The following TRPM6 variants were observed in gnomAD, a reference collection of about 807,000 sequenced individuals.
The protein encoded by TRPM6 is transient receptor potential cation channel subfamily M member 6, also known as channel kinase 2.
In TRPM6, 111 loss-of-function variants were observed where a neutral mutation model predicts 247.6. That is an observed-to-expected ratio of 0.45 (90% CI 0.38 to 0.52). TRPM6 has a LOEUF of 0.52. Ranked by LOEUF, TRPM6 falls within the 20% of genes least tolerant of loss-of-function variation. The pLI is 0.00. For synonymous variants in TRPM6, 892 were observed against 853.8 expected, an observed-to-expected ratio of 1.04 and a Z score of -0.78; for missense variants, 2,126 against 2,421.5, an observed-to-expected ratio of 0.88 and a Z score of 2.56.
At chr9:74,834,207 G>A in intron 5 of TRPM6, 85 bp from the exon 6 acceptor site, 1 of 1,486,638 alleles carries the variant, frequency 6.7e-7, no homozygotes, top group Non-Finnish European at 9.4e-7. Context: ...AAATAAATAG[G>A]CAAGCATATG....
chr9:74,735,577 AATTAAT>A (rs1366852438), intron 36 of TRPM6, among the ~76,000 whole-genome samples: 1 of 152,204 alleles, frequency 6.6e-6, no homozygotes. Flanking sequence ...TATCTCTAAA[AATTAAT>A]ATTAATATCT....
At chr9:74,725,551 G>C (rs1825289263) in intron 38 of TRPM6, among the ~76,000 whole-genome samples, 1 of 152,110 alleles carries the variant, frequency 6.6e-6, no homozygotes, top group South Asian at 2.1e-4. Flanking sequence ...GAATCCAGTG[G>C]GAGGTGACTG....
intron 37 of TRPM6, 63 bp from the exon 38 acceptor site, chr9:74,728,408 C>A: frequency 1.7e-6 from 2 of 1,174,904 alleles, no homozygotes; most frequent in South Asian, 2.5e-5. Context: ...AACTAGGATT[C>A]TCCGAGATAC....
chr9:74,830,891 C>G (rs941054290), intron 6 of TRPM6, among the ~76,000 whole-genome samples: 2 of 150,746 alleles, frequency 1.3e-5, no homozygotes, highest in Non-Finnish European at 2.9e-5. Flanking sequence ...GCATGAGCCA[C>G]CATGCCCAGC....
chr9:74,791,581 C>T (rs1351524401), intron 19 of TRPM6, among the ~76,000 whole-genome samples: 2 of 152,186 alleles, frequency 1.3e-5, no homozygotes, highest in Non-Finnish European at 2.9e-5. Context: ...CATGCTTTCT[C>T]TGTAGCTCTA....
intron 18 of TRPM6, among the ~76,000 whole-genome samples, chr9:74,796,368 C>T (rs983844468): frequency 4.6e-5 from 7 of 152,154 alleles, no homozygotes; most frequent in Admixed American, 2.0e-4. Context: ...ACCTCTAGCA[C>T]ATGTAAAGTG....
intron 14 of TRPM6, chr9:74,804,781 T>A (rs1828475765): frequency 2.8e-6 from 2 of 701,880 alleles, no homozygotes; most frequent in South Asian, 3.0e-5. Context: ...TAAGCTGCCC[T>A]TGCACGGGCT....
chr9:74,791,146 T>C (rs1056211623), intron 19 of TRPM6, among the ~76,000 whole-genome samples: 6 of 152,202 alleles, frequency 3.9e-5, no homozygotes, highest in African/African-American at 1.4e-4. Context: ...GGTATGACTA[T>C]GGTTAAAACT....
In TRPM6 at chr9:74,738,605, C is replaced by T. The variant is rs1825765267; in HGVS notation, c.5578G>A (p.Glu1860Lys). ...GAATGGCAGTAGATTAAGAAAACTT[C>T]CAGGAACCTGTTAGGGAAAAAGAGG... The part of the protein sequence containing the change: ...QTIPYTPRFL[E>K]VFLIYCHSAN... The change falls in exon 36 of 39, where the codon GAA becomes AAA. Residue 1860 changes from glutamate to lysine, a missense_variant. Glu to Lys is a moderately conservative substitution (Grantham distance 56). Around this residue, in one of 3 missense-constraint regions of TRPM6, gnomAD observed 327 missense variants for 397.7 expected, o/e 0.82. Transcript: ENST00000360774. The T allele has an allele frequency of 1.2e-6, 2 of 1,613,932 alleles. No homozygotes were observed. The highest frequency in any genetic ancestry group is 1.7e-6 in the Non-Finnish European group (2 of 1,179,906).
At chr9:74,769,719 T>C (rs1826958837) in intron 25 of TRPM6, among the ~76,000 whole-genome samples, 1 of 145,186 alleles carries the variant, frequency 6.9e-6, no homozygotes, top group South Asian at 2.1e-4. Flanking sequence ...GATCACGCCG[T>C]GGCACTCCAG....
At chr9:74,725,275 TG>T (rs1312242997) in intron 38 of TRPM6, among the ~76,000 whole-genome samples, 1 of 152,224 alleles carries the variant, frequency 6.6e-6, no homozygotes, top group East Asian at 1.9e-4. Context: ...GCATAACCTT[TG>T]TAAGACATGT....
chr9:74,816,093 C>T (rs1262475045), intron 11 of TRPM6, among the ~76,000 whole-genome samples: 2 of 152,192 alleles, frequency 1.3e-5, no homozygotes, highest in Non-Finnish European at 1.5e-5. Flanking sequence ...TGGCTCACGC[C>T]TGTAATTCTG....
At chr9:74,883,692 T>C (rs1245746883) in intron 1 of TRPM6, among the ~76,000 whole-genome samples, 2 of 152,142 alleles carry the variant, frequency 1.3e-5, no homozygotes, top group Non-Finnish European at 2.9e-5. Flanking sequence ...ATATATACAA[T>C]ATGATTCAAT....
chr9:74,840,842 A>AAAAG (rs1554723777), intron 4 of TRPM6, among the ~76,000 whole-genome samples: 7 of 151,206 alleles, frequency 4.6e-5, no homozygotes, highest in African/African-American at 9.7e-5. Context: ...AAAAAAAAAA[A>AAAAG]AAAGAAAGAA....
Position 74,763,056 on chromosome 9 carries a change from G to C in TRPM6, c.3615C>G (p.Asp1205Glu). Residue 1205 changes from aspartate to glutamate, a missense_variant, in exon 26 of 39, where the codon GAC (aspartate) becomes GAG (glutamate). This residue lies in a region of TRPM6 where 717 missense variants were observed against 715.9 expected (regional missense o/e 1.00). Coordinates refer to ENST00000360774, the MANE Select transcript of TRPM6 (RefSeq NM_017662.5). ...SFIKDSLLSL[D>E]SQVGHLQDLS... ...GATCCTGCAGGTGTCCCACCTGGCT[G>C]TCCAAAGACAGTAAGGAGTCCTTTA... is the stretch of plus-strand genomic sequence containing the variant. 1 of 1,614,112 alleles carries C rather than the reference G, an allele frequency of 6.2e-7. No homozygotes were observed. The highest frequency in any genetic ancestry group is 8.5e-7 in the Non-Finnish European group (1 of 1,179,986).
Position 74,808,094 on chromosome 9 carries a change from G to C in TRPM6, c.1578C>G (p.Arg526=). The C allele has an allele frequency of 6.2e-7, 1 of 1,613,954 alleles. No individual in the cohort carries two copies. Among genetic ancestry groups the C allele is most frequent in the Non-Finnish European group, 8.5e-7 (1 of 1,179,912 alleles). The change falls in exon 14 of 39, where the codon CGC becomes CGG. Residue 526 remains arginine, a synonymous_variant. Coordinates refer to ENST00000360774, the MANE Select transcript of TRPM6 (RefSeq NM_017662.5). ...TGAAATGTTTTCTAGTGTAGTTGCT[G>C]CGATATGCTCTACCAATGAGGTATT... ...VVEYLIGRAY[R]SNYTRKHFRA... is the part of the protein sequence containing the mutation.
chr9:74,742,808 G>C (rs141926752), intron 32 of TRPM6, among the ~76,000 whole-genome samples, 182 bp from the exon 33 acceptor site: 25 of 152,278 alleles, frequency 1.6e-4, no homozygotes, highest in African/African-American at 5.5e-4. Flanking sequence ...AAACAGGAAA[G>C]AAATCCCAAT....
At chr9:74,832,050 A>G (rs1039749294) in intron 6 of TRPM6, among the ~76,000 whole-genome samples, 13 of 152,226 alleles carry the variant, frequency 8.5e-5, no homozygotes, top group African/African-American at 3.1e-4. Context: ...ACCCCCATAT[A>G]TTACAAGGGA....
At chr9:74,727,942 A>T (rs1202750603) in intron 38 of TRPM6, among the ~76,000 whole-genome samples, 1 of 152,040 alleles carries the variant, frequency 6.6e-6, no homozygotes, top group African/African-American at 2.4e-5. Context: ...GCGGGGGCAA[A>T]GACCAGCCTC....
Sources: allele counts gnomAD v4.1 joint callset (sites outside exome capture counted in the v4.1 genomes callset), GRCh38; gene constraint gnomAD v4.1.1; regional missense constraint gnomAD v4.1.1; transcripts MANE v1.5; gene names NCBI Gene and HGNC (gene_info 2026-07-23, HGNC 2026-07-21).